NID1: variants seen among roughly 807,000 people sequenced by gnomAD.
The protein encoded by NID1 is nidogen 1.
Under a neutral mutation model 130.6 loss-of-function variants are expected in NID1, and 76 were observed. That is an observed-to-expected ratio of 0.58 (90% CI 0.48 to 0.70). The LOEUF is 0.70. NID1 is among the 30% of genes least tolerant of loss of function. NID1 has a pLI of 0.00. For missense variants in NID1, 1,517 were observed against 1,664.8 expected (o/e 0.91, Z 1.54); for synonymous variants, 665 against 675.1 (o/e 0.98, Z 0.23).
rs769297488 is a variant in NID1, at chr1:235,979,776, G to T, written c.3509+46C>A. ...GGGCCTGGCCTCCCAGAGACAGTGG[G>T]TGGAGGGGCAGGCCCACGCAGCCCC... On this transcript the variant is annotated intron_variant, in intron 18 of 19. Transcript: ENST00000264187. This position sits in a 1 kb window ranked among gnomAD's most constrained non-coding sequence, Gnocchi z 4.6. The T allele has an allele frequency of 3.1e-6, 5 of 1,605,210 alleles. No homozygotes were observed. The highest frequency in any genetic ancestry group is 2.7e-5 in the African/African-American group (2 of 74,730).
At chr1:235,985,604 G>A (rs1657552453) in intron 14 of NID1, 99 bp from the exon 15 acceptor site, 8 of 1,358,410 alleles carry the variant, frequency 5.9e-6, no homozygotes, top group Non-Finnish European at 7.2e-6. Context: ...CTTTTGTAAT[G>A]AAGTGTCAAG....
chr1:236,057,666 C>T (rs998714058), intron 1 of NID1, among the ~76,000 whole-genome samples: 1 of 149,304 alleles, frequency 6.7e-6, no homozygotes, highest in Non-Finnish European at 1.5e-5. Flanking sequence ...CCACTGCACT[C>T]CAGCCTGGGC....
chr1:235,980,042 T>C, intron 17 of NID1, 97 bp from the exon 18 acceptor site: 1 of 1,366,514 alleles, frequency 7.3e-7, no homozygotes, highest in East Asian at 2.3e-5. Context: ...TGGGAGAAAT[T>C]AAGCATTACA....
chr1:236,057,208 G>A (rs1411880489), intron 1 of NID1, among the ~76,000 whole-genome samples: 1 of 152,124 alleles, frequency 6.6e-6, no homozygotes, highest in Non-Finnish European at 1.5e-5. Context: ...GCAGTGAGCT[G>A]AGACTGTGCC....
At position 236,029,604 on chromosome 1, in the gene NID1, C is replaced by T. The variant is rs536352898; in HGVS notation, c.1684G>A (p.Gly562Ser). 5.9e-5 allele frequency: 94 copies of T among 1,595,988 alleles called. No individual in the cohort carries two copies. Among genetic ancestry groups the T allele is most frequent in the South Asian group, 3.7e-4 (33 of 88,514 alleles). ...LEGRVPQIPF[G>S]SSVHIEPYTE... ...TAGGGCTCAATGTGCACGGAGGAGCCGAACGGAATCTGCGGCACGCGGCCC... is the reference window on the plus strand; with the variant it reads ...TAGGGCTCAATGTGCACGGAGGAGCTGAACGGAATCTGCGGCACGCGGCCC... The change falls in exon 7 of 20, where the codon GGC becomes AGC. Residue 562 changes from glycine to serine, a missense_variant. Physicochemically the swap from Gly to Ser is moderately conservative, Grantham distance 56. This residue lies in a region of NID1 where 1,329 missense variants were observed against 1,429.2 expected (regional missense o/e 0.93). Transcript: ENST00000264187.
chr1:236,025,759 TC>T lies in NID1; in HGVS notation c.1984+136del. 3 of 1,245,272 alleles carry T rather than the reference TC, an allele frequency of 2.4e-6. No homozygotes were observed. The South Asian group carries it at 4.4e-5, about 18-fold the overall frequency. 77.1% of individuals were successfully genotyped at this position (1,245,272 alleles called of 1,614,324 possible). ...CCAAGAATCAAAAATAACAAGACAT[TC>T]TTTTTTTCCTGCCAGAAGATACTTT... On this transcript the variant is annotated intron_variant, in intron 8 of 19. Transcript: ENST00000264187.
At chr1:236,025,279 T>C (rs1281786093) in intron 8 of NID1, among the ~76,000 whole-genome samples, 4 of 149,854 alleles carry the variant, frequency 2.7e-5, no homozygotes, top group Non-Finnish European at 5.9e-5. Context: ...TTTTTTTTTT[T>C]GAGACAGAGT....
Position 236,016,206 on chromosome 1 carries a change from G to T in NID1, c.2254+942C>A, listed in dbSNP as rs577858524. 8.9e-4 allele frequency among the ~76,000 whole-genome samples: 135 copies of T among 151,800 alleles called. 1 individual carries two copies. The highest frequency in any genetic ancestry group is 3.2e-3 in the African/African-American group (132 of 41,410). ...GCAGAGTGAAAATCTCAACTGTGCA[G>T]AGGGGACTGGCCTCCCTGAGCTCAC... On this transcript the variant is annotated intron_variant, in intron 10 of 19. Coordinates refer to ENST00000264187, the MANE Select transcript of NID1 (RefSeq NM_002508.3).
intron 5 of NID1, among the ~76,000 whole-genome samples, chr1:236,033,976 G>C (rs1050294823): frequency 1.3e-5 from 2 of 152,152 alleles, no homozygotes; most frequent in Non-Finnish European, 2.9e-5. Context: ...CAAGAGAAAG[G>C]AGCACATGTG....
chr1:235,980,372 A>G, intron 17 of NID1, 124 bp downstream of exon 17: 1 of 938,976 alleles, frequency 1.1e-6, no homozygotes, highest in Non-Finnish European at 1.6e-6. Context: ...CGTAAAAACC[A>G]TTCATAGCTT....
In NID1 at chr1:235,977,933, G is replaced by C. The variant is rs1344765642; in HGVS notation, c.3678C>G (p.Thr1226=). ...NGGCTHLCLA[T]PGSRTCRCPD... ...GGCAACGGCAGGTCCTGCTCCCTGG[G>C]GTGGCCAAGCATAGGTGGGTGCAGC... The change falls in exon 20 of 20, where the codon ACC becomes ACG. Residue 1226 remains threonine (T), a synonymous_variant. Coordinates refer to ENST00000264187, the MANE Select transcript of NID1 (RefSeq NM_002508.3). The C allele has an allele frequency of 6.2e-7, 1 of 1,614,126 alleles. No individual in the cohort carries two copies. Among genetic ancestry groups the C allele is most frequent in the Non-Finnish European group, 8.5e-7 (1 of 1,180,008 alleles).
At chr1:236,053,858 T>G (rs1002687853) in intron 1 of NID1, among the ~76,000 whole-genome samples, 1 of 152,204 alleles carries the variant, frequency 6.6e-6, no homozygotes, top group African/African-American at 2.4e-5. Context: ...AGCTCAGTTG[T>G]AAGTGATATG....
At chr1:236,054,531 C>A (rs575180929) in intron 1 of NID1, among the ~76,000 whole-genome samples, 1 of 152,296 alleles carries the variant, frequency 6.6e-6, no homozygotes, top group Admixed American at 6.5e-5. Context: ...TTAAACCAAT[C>A]ACCTGAAAAG....
In NID1 at chr1:236,029,540, T is replaced by A. The variant is rs1418118820; in HGVS notation, c.1738+10A>T. The A allele has an allele frequency of 3.2e-6, 5 of 1,552,556 alleles. No individual in the cohort carries two copies. The Admixed American group carries it at 7.8e-5, about 24-fold the overall frequency. ...TCTGGGGCTGGCCCTGGGACACAGCTGGGGCTCACCTGAGGTGGAGTAGTG... is the reference window on the plus strand; with the variant it reads ...TCTGGGGCTGGCCCTGGGACACAGCAGGGGCTCACCTGAGGTGGAGTAGTG... On this transcript the variant is annotated intron_variant, in intron 7 of 19. Transcript: ENST00000264187.
rs901458795 is a variant in NID1 at position 236,064,972 on chromosome 1, G to A, written c.108C>T (p.Pro36=). ...VGCLSRQELF[P]FGPGQGDLEL... Reference sequence around the variant, plus strand: ...CCAGGTCCCCCTGTCCGGGGCCGAAGGGAAAGAGCTCCTGGCGGCTCAGGC... The same window carrying A: ...CCAGGTCCCCCTGTCCGGGGCCGAAAGGAAAGAGCTCCTGGCGGCTCAGGC... Residue 36 remains proline, a synonymous_variant, in exon 1 of 20, where the codon CCC becomes CCT. Coordinates refer to ENST00000264187, the MANE Select transcript of NID1 (RefSeq NM_002508.3). 29 of 1,589,680 alleles carry A rather than the reference G, an allele frequency of 1.8e-5. No homozygotes were observed. The highest frequency in any genetic ancestry group is 2.4e-5 in the Non-Finnish European group (28 of 1,168,750).
chr1:236,040,422 C>T (rs954513598), intron 4 of NID1, among the ~76,000 whole-genome samples: 4 of 152,114 alleles, frequency 2.6e-5, no homozygotes, highest in African/African-American at 9.7e-5. Context: ...TGAGAACAAG[C>T]GTGTATGGCT....
intron 12 of NID1, among the ~76,000 whole-genome samples, chr1:236,009,371 A>G (rs1049154144): frequency 1.3e-5 from 2 of 152,212 alleles, no homozygotes; most frequent in African/African-American, 4.8e-5. Flanking sequence ...CAGAACTATG[A>G]GAAACAAGTT....
chr1:236,013,696 C>T, intron 10 of NID1, 136 bp from the exon 11 acceptor site: 1 of 925,576 alleles, frequency 1.1e-6, no homozygotes, highest in East Asian at 2.6e-5. Flanking sequence ...CACCTGCACC[C>T]CACTCCTCAC....
chr1:235,993,696 C>T lies in NID1; in HGVS notation c.2704G>A (p.Asp902Asn). Residue 902 changes from aspartate (D) to asparagine (N), a missense_variant, in exon 13 of 20, where the codon GAC (aspartate) becomes AAC (asparagine). This residue lies in a region of NID1 where 1,329 missense variants were observed against 1,429.2 expected (regional missense o/e 0.93). Coordinates refer to ENST00000264187, the MANE Select transcript of NID1 (RefSeq NM_002508.3). ...STGYCWCVDR[D>N]GREVEGTRTR... ...CTGGTGCCCTCCACCTCGCGGCCGTCGCGATCCACGCACCAGCAGTAGCCG... is the reference window on the plus strand; with the variant it reads ...CTGGTGCCCTCCACCTCGCGGCCGTTGCGATCCACGCACCAGCAGTAGCCG... The T allele has an allele frequency of 6.3e-7, 1 of 1,598,562 alleles. No homozygotes were observed. The highest frequency in any genetic ancestry group is 8.5e-7 in the Non-Finnish European group (1 of 1,169,988).
Sources: allele counts gnomAD v4.1 joint callset (sites outside exome capture counted in the v4.1 genomes callset), GRCh38; gene constraint gnomAD v4.1.1; regional missense constraint gnomAD v4.1.1; non-coding constraint Gnocchi (gnomAD v3.1); transcripts MANE v1.5; gene names NCBI Gene and HGNC (gene_info 2026-07-23, HGNC 2026-07-21).